HAT1: variants seen among roughly 807,000 people sequenced by gnomAD.
The protein encoded by HAT1 is histone acetyltransferase type B catalytic subunit.
Under a neutral mutation model 56.6 loss-of-function variants are expected in HAT1, and 20 were observed. The observed-to-expected ratio is 0.35, with a 90% CI of 0.25 to 0.51. The LOEUF (loss-of-function observed/expected upper bound fraction) is 0.51, where lower values mean the gene tolerates loss of function less well. Ranked by LOEUF, HAT1 falls within the 20% of genes least tolerant of loss-of-function variation. The pLI is 0.95. For synonymous variants in HAT1, 146 were observed against 165.5 expected, an observed-to-expected ratio of 0.88 and a Z score of 0.91; for missense variants, 408 against 504.3, an observed-to-expected ratio of 0.81 and a Z score of 1.83.
chr2:171,965,043 G>A (rs1687651570), intron 4 of HAT1: 4 of 264,784 alleles, frequency 1.5e-5, no homozygotes, highest in African/African-American at 4.5e-5. Flanking sequence ...TCATGAAGGG[G>A]TATAGTCAGC....
intron 2 of HAT1, among the ~76,000 whole-genome samples, chr2:171,928,350 G>A (rs1487811498): frequency 6.6e-6 from 1 of 152,208 alleles, no homozygotes; most frequent in Non-Finnish European, 1.5e-5. Context: ...GGTGACTACA[G>A]TCTCATTTCT....
chr2:171,962,162 G>C lies in HAT1; in HGVS notation c.310-3176G>C, dbSNP rs758167469. ...GGCATATCGCTTTATTCAATAATGA[G>C]GAAATGCAAAAATTGCTCCATATGA... On this transcript the variant is annotated intron_variant, in intron 4 of 10. Transcript: ENST00000264108. 1.3e-5 allele frequency among the ~76,000 whole-genome samples: 2 copies of C among 151,832 alleles called. 1 individual carries two copies. The highest frequency in any genetic ancestry group is 2.9e-5 in the Non-Finnish European group (2 of 67,948).
At chr2:171,958,128 A>C (rs560633968) in intron 4 of HAT1, among the ~76,000 whole-genome samples, 2 of 152,074 alleles carry the variant, frequency 1.3e-5, no homozygotes, top group South Asian at 4.1e-4. Context: ...TTATTATTTA[A>C]ATTTTGAGGG....
At chr2:171,971,098 G>A (rs531715721) in intron 8 of HAT1, among the ~76,000 whole-genome samples, 3 of 152,208 alleles carry the variant, frequency 2.0e-5, no homozygotes, top group East Asian at 2.0e-4. Context: ...TACTTGGGAC[G>A]CTGAGGCAGG....
intron 10 of HAT1, chr2:171,980,573 A>T (rs1170083851): frequency 2.6e-5 from 4 of 152,018 alleles, no homozygotes; most frequent in African/African-American, 9.7e-5. Context: ...TTTGCTATCT[A>T]GGCAAGGCGT....
intron 2 of HAT1, among the ~76,000 whole-genome samples, chr2:171,939,796 CTT>C (rs752238366): frequency 1.6e-4 from 22 of 141,648 alleles, no homozygotes; most frequent in Admixed American, 1.4e-4. Context: ...TCCTTTTTTT[CTT>C]TTTTTTTTTT....
chr2:171,967,115 TG>T (rs981201938), intron 8 of HAT1, among the ~76,000 whole-genome samples, 166 bp downstream of exon 8: 9 of 152,186 alleles, frequency 5.9e-5, no homozygotes, highest in African/African-American at 2.2e-4. Context: ...TAAGCCTTTG[TG>T]GGGATTGGAT....
rs542997113 is a variant in HAT1, at chr2:171,947,511, C to T, written c.188+728C>T. ...CCTCAAGTGATCCTCCCACCTGCGC[C>T]TCCCAAAGAGCTGGGACTACAGGCA... On this transcript the variant is annotated intron_variant, in intron 3 of 10. Coordinates refer to ENST00000264108, the MANE Select transcript of HAT1 (RefSeq NM_003642.4). 3.3e-5 allele frequency among the ~76,000 whole-genome samples: 5 copies of T among 152,278 alleles called. No individual in the cohort carries two copies. In the South Asian group the frequency reaches 8.3e-4, roughly 25 times the overall value.
At chr2:171,937,290 C>T (rs777874272) in intron 2 of HAT1, among the ~76,000 whole-genome samples, 3 of 152,188 alleles carry the variant, frequency 2.0e-5, no homozygotes, top group Non-Finnish European at 4.4e-5. Context: ...TTCTTTCATG[C>T]ATCTTGCCTC....
chr2:171,934,684 T>G (rs1686823441), intron 2 of HAT1, among the ~76,000 whole-genome samples: 1 of 151,488 alleles, frequency 6.6e-6, no homozygotes, highest in Non-Finnish European at 1.5e-5. Context: ...GAATGTAAAG[T>G]GAGGTCAGCC....
intron 4 of HAT1, among the ~76,000 whole-genome samples, chr2:171,961,314 A>G (rs1240777645): frequency 6.6e-6 from 1 of 152,120 alleles, no homozygotes; most frequent in Non-Finnish European, 1.5e-5. Context: ...TTAAAAACAA[A>G]AACCTCCTGC....
intron 3 of HAT1, among the ~76,000 whole-genome samples, chr2:171,951,585 ATT>A (rs35551729): frequency 3.0e-4 from 36 of 121,650 alleles, no homozygotes; most frequent in Middle Eastern, 4.4e-3. Flanking sequence ...ACACCTGCCT[ATT>A]TTTTTTTTTT....
intron 2 of HAT1, among the ~76,000 whole-genome samples, chr2:171,938,545 CA>C (rs1686935822): frequency 6.6e-6 from 1 of 152,118 alleles, no homozygotes; most frequent in African/African-American, 2.4e-5. Flanking sequence ...GTGATGGATA[CA>C]GTGACACCTG....
intron 5 of HAT1, 50 bp from the exon 6 acceptor site, chr2:171,965,737 A>G (rs1286643943): frequency 6.3e-7 from 1 of 1,581,298 alleles, no homozygotes; most frequent in Admixed American, 1.8e-5. Context: ...GCGGACTTTC[A>G]CTTACCTTTG....
intron 4 of HAT1, among the ~76,000 whole-genome samples, chr2:171,961,790 C>T (rs901388191): frequency 1.3e-5 from 2 of 151,778 alleles, no homozygotes; most frequent in African/African-American, 4.8e-5. Context: ...AAAAAGTTCA[C>T]ACTTTTAATT....
Position 171,960,459 on chromosome 2 carries a change from A to G in HAT1, c.310-4879A>G, listed in dbSNP as rs1005865890. Among the ~76,000 whole-genome samples, 3 of 152,234 alleles carry G rather than the reference A, an allele frequency of 2.0e-5. No individual in the cohort carries two copies. The South Asian group carries it at 6.2e-4, about 32-fold the overall frequency. ...ATTAGGGCTTTGCAGATCATACTGC[A>G]TAGATGGTCAGCAGCCATAACATCT... On this transcript the variant is annotated intron_variant, in intron 4 of 10. Transcript: ENST00000264108.
intron 2 of HAT1, among the ~76,000 whole-genome samples, chr2:171,929,353 A>G (rs148053563): frequency 2.7e-4 from 41 of 152,296 alleles, no homozygotes; most frequent in African/African-American, 8.9e-4. Context: ...ATTTACCTAC[A>G]TATTCTGGAT....
intron 5 of HAT1, 47 bp from the exon 6 acceptor site, chr2:171,965,740 T>TA: frequency 1.9e-6 from 3 of 1,585,454 alleles, no homozygotes; most frequent in South Asian, 1.1e-5. Flanking sequence ...GACTTTCACT[T>TA]ACCTTTGTGA....
chr2:171,925,434 C>T (rs1686564831), intron 1 of HAT1, 103 bp from the exon 2 acceptor site: 4 of 624,054 alleles, frequency 6.4e-6, no homozygotes, highest in Admixed American at 5.5e-5. Context: ...GATCTATCAG[C>T]ATGTTTTAAA....
Sources: allele counts gnomAD v4.1 joint callset (sites outside exome capture counted in the v4.1 genomes callset), GRCh38; gene constraint gnomAD v4.1.1; transcripts MANE v1.5; gene names NCBI Gene and HGNC (gene_info 2026-07-23, HGNC 2026-07-21).